DDO: variants seen among roughly 807,000 people sequenced by gnomAD.
The protein encoded by DDO is D-aspartate oxidase.
In DDO, 16 loss-of-function variants were observed where a neutral mutation model predicts 16.8. The observed-to-expected ratio is 0.95, with a 90% CI of 0.65 to 1.45. The LOEUF (loss-of-function observed/expected upper bound fraction) is 1.45, where lower values mean the gene tolerates loss of function less well. Among genes scored for constraint, DDO ranks in the 40% most tolerant of loss-of-function variants. The pLI is 0.00. For synonymous variants in DDO, 180 were observed against 167.2 expected (o/e 1.08, Z -0.59); for missense variants, 429 against 420.3 (o/e 1.02, Z -0.18).
Position 110,393,071 on chromosome 6 carries a change from G to T in DDO, c.730C>A (p.Leu244Met), listed in dbSNP as rs1290316099. The T allele has an allele frequency of 6.2e-7, 1 of 1,613,216 alleles. No homozygotes were observed. The highest frequency in any genetic ancestry group is 1.3e-5 in the African/African-American group (1 of 74,938). ...GGTRQKGDWN[L>M]SPDAENSREI... is the part of the protein sequence containing the mutation. ...CTGCTATTTTCTGCATCCGGGGACA[G>T]ATTCCAGTCCCCTTTTTGCCTAGTT... is the stretch of plus-strand genomic sequence containing the variant. The change falls in exon 5 of 5, where the codon CTG becomes ATG. Residue 244 changes from leucine to methionine, a missense_variant. Transcript: ENST00000368924.
At position 110,413,310 on chromosome 6, in the gene DDO, A is replaced by G. The variant is rs1773923238; in HGVS notation, c.153T>C (p.Leu51=). 6.2e-7 allele frequency: 1 copy of G among 1,614,042 alleles called. No homozygotes were observed. Among genetic ancestry groups the G allele is most frequent in the South Asian group, 1.1e-5 (1 of 91,082 alleles). The change falls in exon 2 of 5, where the codon CTT becomes CTC. Residue 51 remains leucine, a synonymous_variant. Transcript: ENST00000368924. ...TCTCACCTGGATAAGTGTGAGGAAT[A>G]AGCATTCCGGCTGCCACATCACTGG... is the stretch of plus-strand genomic sequence containing the variant. ...DTTSDVAAGM[L]IPHTYPDTPI... is the part of the protein sequence containing the mutation.
chr6:110,391,730 G>C (rs1340192645), downstream of DDO: 1 of 152,140 alleles, frequency 6.6e-6, no homozygotes, highest in African/African-American at 2.4e-5. Context: ...CACAATACAC[G>C]TGCACACATT....
At chr6:110,408,269 G>T in intron 3 of DDO, 65 bp downstream of exon 3, 1 of 1,460,528 alleles carries the variant, frequency 6.8e-7, no homozygotes, top group Non-Finnish European at 9.5e-7. Flanking sequence ...AATATTTTAT[G>T]TTGAACTCTA....
At chr6:110,399,914 C>A (rs932318448) in intron 4 of DDO, among the ~76,000 whole-genome samples, 1 of 152,250 alleles carries the variant, frequency 6.6e-6, no homozygotes, top group African/African-American at 2.4e-5. Context: ...CTCCCCAGGA[C>A]TCGGGTAAAA....
rs945009747 is a variant in DDO at position 110,413,406 on chromosome 6, A to T, written c.57T>A (p.Ala19=). The part of the protein sequence containing the change: ...VGAGVVGLST[A]VCISKLVPRC... ...GGGGCACCAGTTTGGAGATGCACAC[A>T]GCCGTGGAGAGCCCCACCACACCTG... The change falls in exon 2 of 5, where the codon GCT becomes GCA. Residue 19 remains alanine (A), a synonymous_variant. Transcript: ENST00000368924. The T allele has an allele frequency of 1.9e-6, 3 of 1,614,090 alleles. No individual in the cohort carries two copies. The highest frequency in any genetic ancestry group is 2.5e-6 in the Non-Finnish European group (3 of 1,180,026).
At chr6:110,408,723 T>C (rs1773746424) in intron 2 of DDO, among the ~76,000 whole-genome samples, 1 of 152,152 alleles carries the variant, frequency 6.6e-6, no homozygotes, top group Non-Finnish European at 1.5e-5. Context: ...GCGAGCTAGT[T>C]GGAAGGTGGT....
Position 110,408,407 on chromosome 6 carries a change from C to A in DDO, c.208G>T (p.Glu70Ter), listed in dbSNP as rs887071905. ...ATTGCAAAGAGGTGATTAAAGGTTT[C>A]TCTGAACCACTGCTTCTGCGTGTGA... is the stretch of plus-strand genomic sequence containing the variant. ...PIHTQKQWFR[E>*]TFNHLFAIAN... The change falls in exon 3 of 5, where the codon GAA (glutamate) becomes TAA (stop). Residue 70 changes from glutamate (E) to a stop codon, truncating the protein, a stop_gained. Coordinates refer to ENST00000368924, the MANE Select transcript of DDO (RefSeq NM_001372108.2). LOFTEE classifies it high-confidence loss of function. The A allele has an allele frequency of 1.9e-6, 3 of 1,614,054 alleles. No homozygotes were observed. Among genetic ancestry groups the A allele is most frequent in the Non-Finnish European group, 2.5e-6 (3 of 1,180,044 alleles).
At chr6:110,388,468 C>T (rs1231839162), downstream of DDO, among the ~76,000 whole-genome samples, 1 of 152,110 alleles carries the variant, frequency 6.6e-6, no homozygotes, top group African/African-American at 2.4e-5. Context: ...TGAGAAAAAC[C>T]GGTTCAAATA....
At chr6:110,407,558 A>G (rs9374172) in intron 3 of DDO, among the ~76,000 whole-genome samples, 72,625 of 152,078 alleles carry the variant, frequency 0.48, 17,894 homozygotes, top group East Asian at 0.66. Flanking sequence ...GGCCGCAGAA[A>G]GACTGTGTTA....
chr6:110,390,315 G>A (rs1259582738), downstream of DDO, among the ~76,000 whole-genome samples: 4 of 152,156 alleles, frequency 2.6e-5, no homozygotes, highest in South Asian at 4.1e-4. Context: ...CAGCAGCTCC[G>A]CCCCACCCAC....
intron 4 of DDO, among the ~76,000 whole-genome samples, chr6:110,394,658 T>C (rs1363400790): frequency 1.3e-5 from 2 of 152,214 alleles, no homozygotes; most frequent in African/African-American, 4.8e-5. Context: ...CTTGGCAGAA[T>C]GGACTAAGTT....
Position 110,404,773 on chromosome 6 carries a change from CCT to C in DDO, c.457_458del (p.Arg153AspfsTer24), listed in dbSNP as rs749960551. 6.2e-7 allele frequency: 1 copy of C among 1,613,986 alleles called. No homozygotes were observed. The highest frequency in any genetic ancestry group is 1.1e-5 in the South Asian group (1 of 91,034). ...CPAYLPWLEK[R>X]IKGSGGWTLT... is the part of the protein sequence containing the mutation. Reference sequence around the variant, plus strand: ...AAATATCAGGGAGCATTTCAACTGACCTTTTCTCCAACCACGGGAGGTAGGCA... The same window carrying C: ...AAATATCAGGGAGCATTTCAACTGACTTTCTCCAACCACGGGAGGTAGGCA... On this transcript the variant is annotated frameshift_variant and splice_region_variant, in exon 4 of 5. Coordinates refer to ENST00000368924, the MANE Select transcript of DDO (RefSeq NM_001372108.2). LOFTEE classifies it low-confidence loss of function (END_TRUNC).
intron 3 of DDO, among the ~76,000 whole-genome samples, chr6:110,405,527 A>T (rs1435743375): frequency 1.3e-5 from 2 of 152,334 alleles, no homozygotes; most frequent in South Asian, 2.1e-4. Context: ...TCCTGCCTAG[A>T]TTTGGTTGTT....
intron 4 of DDO, among the ~76,000 whole-genome samples, chr6:110,396,228 G>T (rs916908750): frequency 1.5e-4 from 23 of 152,192 alleles, no homozygotes; most frequent in African/African-American, 5.5e-4. Context: ...GCTGGGCAGA[G>T]CTCCATCTGC....
At chr6:110,395,969 G>A (rs377651813) in intron 4 of DDO, among the ~76,000 whole-genome samples, 31 of 152,224 alleles carry the variant, frequency 2.0e-4, no homozygotes, top group African/African-American at 7.5e-4. Flanking sequence ...GGAGGTGGAG[G>A]TTCAAGCCGA....
chr6:110,395,004 G>A (rs9384740), intron 4 of DDO, among the ~76,000 whole-genome samples: 71,094 of 152,002 alleles, frequency 0.47, 16,942 homozygotes, highest in African/African-American at 0.52. Flanking sequence ...GGAAGTAAGT[G>A]TTAGCCAATA....
intron 4 of DDO, among the ~76,000 whole-genome samples, chr6:110,398,780 G>A (rs1168403093): frequency 6.6e-6 from 1 of 152,192 alleles, no homozygotes; most frequent in South Asian, 2.1e-4. Context: ...AAGTTACAGA[G>A]AGGCCTAATC....
intron 4 of DDO, among the ~76,000 whole-genome samples, chr6:110,393,809 C>T (rs1222463147): frequency 6.6e-6 from 1 of 152,050 alleles, no homozygotes; most frequent in Admixed American, 6.6e-5. Flanking sequence ...GGGTCATATC[C>T]CCACCAGCTT....
At chr6:110,408,531 A>G (rs1488570616) in intron 2 of DDO, 89 bp from the exon 3 acceptor site, 10 of 1,184,204 alleles carry the variant, frequency 8.4e-6, no homozygotes, top group Non-Finnish European at 1.2e-5. Context: ...AGAAACTTGG[A>G]AAAAAAATAA....
Sources: allele counts gnomAD v4.1 joint callset (sites outside exome capture counted in the v4.1 genomes callset), GRCh38; gene constraint gnomAD v4.1.1; transcripts MANE v1.5; gene names NCBI Gene and HGNC (gene_info 2026-07-23, HGNC 2026-07-21).